MYO7A: variants seen among roughly 807,000 people sequenced by gnomAD.
MYO7A encodes the protein unconventional myosin-VIIa.
MYO7A carries 210 observed loss-of-function variants against 263.8 expected under a neutral mutation model. The observed-to-expected ratio is 0.80, with a 90% CI of 0.71 to 0.89. The LOEUF is 0.89. MYO7A is among the 40% of genes least tolerant of loss of function. The pLI is 0.00. For synonymous variants in MYO7A, 1,239 were observed against 1,197.3 expected (o/e 1.03, Z -0.72); for missense variants, 2,820 against 2,968.3 (o/e 0.95, Z 1.16).
At chr11:77,208,237 C>T (rs1169086731) in intron 42 of MYO7A, among the ~76,000 whole-genome samples, 193 bp from the exon 43 acceptor site, 1 of 152,148 alleles carries the variant, frequency 6.6e-6, no homozygotes, top group Non-Finnish European at 1.5e-5. Flanking sequence ...CCATCGCTCC[C>T]GGCAAGAAGT....
rs111416657 is a variant in MYO7A, at chr11:77,208,933, C to T, written c.6051+130C>T. 10,055 of 720,416 alleles carry T rather than the reference C, an allele frequency of 0.014. 635 individuals are homozygous for T. In the African/African-American group the frequency reaches 0.14, roughly 10 times the overall value. 44.6% of individuals were successfully genotyped at this position (720,416 alleles called of 1,614,324 possible). ...CAGCCTGGCCTCAAAGGGATTCCTGCCAAGACCACTGGAGCCCCAAGGGAT... is the reference window on the plus strand; with the variant it reads ...CAGCCTGGCCTCAAAGGGATTCCTGTCAAGACCACTGGAGCCCCAAGGGAT... On this transcript the variant is annotated intron_variant, in intron 44 of 48. Coordinates refer to ENST00000409709, the MANE Select transcript of MYO7A (RefSeq NM_000260.4).
At chr11:77,136,705 G>A (rs1950916906) in intron 2 of MYO7A, among the ~76,000 whole-genome samples, 1 of 152,238 alleles carries the variant, frequency 6.6e-6, no homozygotes, top group African/African-American at 2.4e-5. Flanking sequence ...GCACGTGGAA[G>A]CAGTGTCATT....
intron 8 of MYO7A, 54 bp from the exon 9 acceptor site, chr11:77,158,223 T>G (rs555857409): frequency 1.3e-6 from 2 of 1,507,456 alleles, no homozygotes; most frequent in East Asian, 4.8e-5. Context: ...GCACTGCCCC[T>G]CTGGGGGTAC....
rs1555091906 is a variant in MYO7A, at chr11:77,190,879, G to GCCTGGAAGCACCTCCT, written c.3924+11_3924+12insTGGAAGCACCTCCTCC. The GCCTGGAAGCACCTCCT allele has an allele frequency of 1.8e-4, 271 of 1,547,958 alleles. 2 individuals are homozygous for GCCTGGAAGCACCTCCT. Among genetic ancestry groups the GCCTGGAAGCACCTCCT allele is most frequent in the Non-Finnish European group, 2.2e-4 (252 of 1,142,424 alleles). On this transcript the variant is annotated intron_variant, in intron 30 of 48. Transcript: ENST00000409709. ...TTGCCCTGTTTGACAAGGTATGGCC[G>GCCTGGAAGCACCTCCT]CCCGGAAGCACCTCCTCCCGGAAGC...
intron 32 of MYO7A, among the ~76,000 whole-genome samples, chr11:77,195,493 C>T (rs978257529): frequency 2.0e-5 from 3 of 152,254 alleles, no homozygotes; most frequent in Non-Finnish European, 4.4e-5. Context: ...TCCCTGAGGG[C>T]CTCCTCGGGG....
At chr11:77,171,931 C>T (rs1002392074) in intron 15 of MYO7A, among the ~76,000 whole-genome samples, 14 of 152,326 alleles carry the variant, frequency 9.2e-5, no homozygotes, top group East Asian at 1.9e-4. Flanking sequence ...CTGCCAGGAT[C>T]GCCCAGGTGT....
Position 77,179,082 on chromosome 11 carries a change from A to G in MYO7A, c.2320A>G (p.Ile774Val), listed in dbSNP as rs1353030414. Reference sequence around the variant, plus strand: ...GAAGCTGAAGAACGCTGCCACACTGATCCAGAGGCACTGGCGGGGTCACAA... The same window carrying G: ...GAAGCTGAAGAACGCTGCCACACTGGTCCAGAGGCACTGGCGGGGTCACAA... Reference protein sequence around the residue: ...FLKLKNAATLIQRHWRGHNCR... With the variant: ...FLKLKNAATLVQRHWRGHNCR... The change falls in exon 20 of 49, where the codon ATC (isoleucine) becomes GTC (valine). Residue 774 changes from isoleucine to valine, a missense_variant. Ile to Val is a conservative substitution (Grantham distance 29). Transcript: ENST00000409709. The G allele has an allele frequency of 6.2e-7, 1 of 1,609,606 alleles. No individual in the cohort carries two copies.
chr11:77,204,017 C>A, intron 38 of MYO7A, 59 bp from the exon 39 acceptor site: 1 of 1,510,860 alleles, frequency 6.6e-7, no homozygotes, highest in East Asian at 2.5e-5. Context: ...AGTGGGGCCT[C>A]CGGACCCCAG....
chr11:77,196,948 G>T (rs1367428857), intron 32 of MYO7A, among the ~76,000 whole-genome samples: 8 of 152,136 alleles, frequency 5.3e-5, no homozygotes, highest in African/African-American at 1.9e-4. Flanking sequence ...ACCCCTCACG[G>T]ATCACCTCAC....
intron 2 of MYO7A, among the ~76,000 whole-genome samples, chr11:77,140,436 G>C (rs150468687): frequency 6.6e-6 from 1 of 152,254 alleles, no homozygotes; most frequent in South Asian, 2.1e-4. Flanking sequence ...CAAAACAGCT[G>C]TGTGACCTTG....
intron 10 of MYO7A, 81 bp downstream of exon 10, chr11:77,159,604 A>C (rs1178671147): frequency 5.1e-6 from 7 of 1,372,564 alleles, no homozygotes; most frequent in Non-Finnish European, 7.2e-6. Flanking sequence ...GCTGGGATGT[A>C]GGAACCACAT....
chr11:77,208,533 C>A lies in MYO7A; in HGVS notation c.5944+16C>A. ...ATCAAGGACGGTAATGAGGCCGGGT[C>A]CTGGGATCATCTGAGGCCCAGAGCA... On this transcript the variant is annotated intron_variant, in intron 43 of 48. Coordinates refer to ENST00000409709, the MANE Select transcript of MYO7A (RefSeq NM_000260.4). 6.2e-7 allele frequency: 1 copy of A among 1,606,822 alleles called. No individual in the cohort carries two copies. The highest frequency in any genetic ancestry group is 1.1e-5 in the South Asian group (1 of 90,086).
chr11:77,211,854 A>G lies in MYO7A; in HGVS notation c.6271A>G (p.Lys2091Glu). The change falls in exon 46 of 49, where the codon AAG becomes GAG. Residue 2091 changes from lysine (K) to glutamate (E), a missense_variant. Lys to Glu is a moderately conservative substitution (Grantham distance 56). Coordinates refer to ENST00000409709, the MANE Select transcript of MYO7A (RefSeq NM_000260.4). ...IVAYFNKHAG[K>E]SKEEAKLAFL... ...CGCCTACTTCAACAAGCACGCAGGG[A>G]AGTCCAAGGAGGAGGCCAAGCTGGC... 6.2e-7 allele frequency: 1 copy of G among 1,613,972 alleles called. No homozygotes were observed. Among genetic ancestry groups the G allele is most frequent in the African/African-American group, 1.3e-5 (1 of 75,040 alleles).
intron 47 of MYO7A, among the ~76,000 whole-genome samples, chr11:77,213,281 C>G (rs933345814): frequency 2.7e-4 from 41 of 152,246 alleles, no homozygotes; most frequent in African/African-American, 9.9e-4. Flanking sequence ...TAGTACTTGG[C>G]CTTTCAGTAT....
intron 47 of MYO7A, 23 bp downstream of exon 47, chr11:77,213,058 G>C: frequency 1.3e-6 from 2 of 1,548,784 alleles, no homozygotes; most frequent in African/African-American, 1.4e-5. Flanking sequence ...AAGGCAGCAA[G>C]TGGGGGCGGG....
At position 77,208,688 on chromosome 11, in the gene MYO7A, G is replaced by A. The variant is rs1233077552; in HGVS notation, c.5945-9G>A. 4 of 1,570,158 alleles carry A rather than the reference G, an allele frequency of 2.5e-6. No individual in the cohort carries two copies. The highest frequency in any genetic ancestry group is 3.5e-6 in the Non-Finnish European group (4 of 1,155,290). On this transcript the variant is annotated splice_polypyrimidine_tract_variant and intron_variant, in intron 43 of 48. Coordinates refer to ENST00000409709, the MANE Select transcript of MYO7A (RefSeq NM_000260.4). Reference sequence around the variant, plus strand: ...GACCCTCTGGGTGACCGACTGCCCTGTGCTGCAGGAATTGTGCCCTCACTC... The same window carrying A: ...GACCCTCTGGGTGACCGACTGCCCTATGCTGCAGGAATTGTGCCCTCACTC...
chr11:77,147,740 CCCTGAAGTGCGCAG>C (rs1951675357), intron 3 of MYO7A, 44 bp from the exon 4 acceptor site: 2 of 1,588,576 alleles, frequency 1.3e-6, no homozygotes, highest in South Asian at 2.3e-5. Flanking sequence ...CGGCCCCTTC[CCCTGAAGTGCGCAG>C]CCTGGGCCCC....
chr11:77,212,871 T>C (rs971178793), intron 46 of MYO7A, 81 bp from the exon 47 acceptor site: 3 of 1,153,008 alleles, frequency 2.6e-6, no homozygotes, highest in Non-Finnish European at 3.8e-6. Flanking sequence ...TTATCCCAGC[T>C]GGGGCCAGGC....
intron 26 of MYO7A, among the ~76,000 whole-genome samples, chr11:77,184,036 C>A (rs1257640317): frequency 1.3e-5 from 2 of 152,184 alleles, no homozygotes; most frequent in African/African-American, 2.4e-5. Context: ...TGCCGCTCGC[C>A]TCTCACTCAC....
Sources: gnomAD v4.1 joint callset for allele counts (sites outside exome capture counted in the v4.1 genomes callset) on GRCh38, gnomAD v4.1.1 for gene constraint, MANE v1.5 for transcripts, NCBI Gene and HGNC (gene_info 2026-07-23, HGNC 2026-07-21) for gene names.